Variants in IQGAP2 observed in about 807,000 individuals in gnomAD.
IQGAP2 encodes the protein IQ motif containing GTPase activating protein 2.
IQGAP2 carries 173 observed loss-of-function variants against 201.3 expected under a neutral mutation model. The observed-to-expected ratio is 0.86, with a 90% confidence interval of 0.76 to 0.98. The LOEUF is 0.98. Among genes scored for constraint, IQGAP2 ranks in the 50% least tolerant of loss-of-function variants. The pLI, the probability that IQGAP2 is intolerant of heterozygous loss-of-function variation, is 0.00. For synonymous variants in IQGAP2, 675 were observed against 673.9 expected (o/e 1.00, Z -0.03); for missense variants, 1,687 against 1,864.8 (o/e 0.90, Z 1.76).
intron 5 of IQGAP2, among the ~76,000 whole-genome samples, 194 bp from the exon 6 acceptor site, chr5:76,588,712 A>G (rs1746416034): frequency 6.6e-6 from 1 of 152,202 alleles, no homozygotes; most frequent in African/African-American, 2.4e-5. Flanking sequence ...TCTTTGGGAC[A>G]CAGATTGGAA....
chr5:76,594,976 T>TAA (rs769560018), intron 9 of IQGAP2, among the ~76,000 whole-genome samples: 2 of 149,212 alleles, frequency 1.3e-5, no homozygotes, highest in Non-Finnish European at 3.0e-5. Context: ...AAAAAAAATT[T>TAA]AAAAAAAAAA....
At chr5:76,439,303 A>C (rs552973489) in intron 1 of IQGAP2, among the ~76,000 whole-genome samples, 1 of 152,342 alleles carries the variant, frequency 6.6e-6, no homozygotes, top group East Asian at 1.9e-4. Flanking sequence ...TGTTGAGAAG[A>C]ATGTATATTC....
chr5:76,614,978 G>A (rs1748799785), intron 13 of IQGAP2, among the ~76,000 whole-genome samples: 1 of 152,206 alleles, frequency 6.6e-6, no homozygotes, highest in African/African-American at 2.4e-5. Context: ...GGACAGTAAT[G>A]GAAGTTGGTG....
intron 9 of IQGAP2, among the ~76,000 whole-genome samples, chr5:76,595,180 G>A (rs1406291024): frequency 1.4e-5 from 2 of 147,092 alleles, no homozygotes; most frequent in Non-Finnish European, 3.0e-5. Context: ...TTCAGCAAAT[G>A]CATTCCATTC....
chr5:76,610,098 ATATATATATATATATATTTTTTTTTTT>A (rs1389515114), intron 12 of IQGAP2, among the ~76,000 whole-genome samples: 1 of 13,886 alleles, frequency 7.2e-5, no homozygotes, highest in African/African-American at 2.2e-4. Context: ...ATATATATAT[ATATATATATATATATATTTTTTTTTTT>A]TTTTTTTTTT....
intron 17 of IQGAP2, among the ~76,000 whole-genome samples, chr5:76,648,963 G>A (rs1432118821): frequency 3.3e-5 from 5 of 152,170 alleles, no homozygotes; most frequent in African/African-American, 1.2e-4. Flanking sequence ...CCAGAGGAGA[G>A]GAGAAAGAGG....
chr5:76,499,839 C>T (rs1362799562), intron 2 of IQGAP2, among the ~76,000 whole-genome samples: 1 of 152,164 alleles, frequency 6.6e-6, no homozygotes, highest in Non-Finnish European at 1.5e-5. Context: ...GGCCTGGTGG[C>T]TCATGCCTGT....
At chr5:76,488,045 A>T (rs773527506) in intron 2 of IQGAP2, among the ~76,000 whole-genome samples, 81 of 152,328 alleles carry the variant, frequency 5.3e-4, no homozygotes, top group Non-Finnish European at 1.0e-3. Flanking sequence ...GTGACCTTGA[A>T]TGATCACTGA....
intron 20 of IQGAP2, among the ~76,000 whole-genome samples, chr5:76,655,297 G>A (rs565214632): frequency 1.8e-4 from 27 of 151,948 alleles, no homozygotes; most frequent in African/African-American, 6.5e-4. Flanking sequence ...CTAAGCGAGA[G>A]TCAAAAATCT....
At chr5:76,445,284 C>T (rs1753307014) in intron 1 of IQGAP2, among the ~76,000 whole-genome samples, 1 of 152,014 alleles carries the variant, frequency 6.6e-6, no homozygotes, top group South Asian at 2.1e-4. Context: ...TGGCCACTTG[C>T]CAGCTGAGTG....
chr5:76,410,382 C>T (rs1023376402), intron 1 of IQGAP2, among the ~76,000 whole-genome samples: 2 of 152,230 alleles, frequency 1.3e-5, no homozygotes, highest in East Asian at 1.9e-4. Context: ...TACTGATGTA[C>T]CTTCTTGTTC....
chr5:76,602,469 A>C (rs1190368671), intron 11 of IQGAP2, among the ~76,000 whole-genome samples: 1 of 152,212 alleles, frequency 6.6e-6, no homozygotes, highest in Non-Finnish European at 1.5e-5. Context: ...CCCTTAAAGA[A>C]GTGGTCCCAT....
At chr5:76,441,633 A>G (rs1022016104) in intron 1 of IQGAP2, 1 of 422,806 alleles carries the variant, frequency 2.4e-6, no homozygotes, top group African/African-American at 2.2e-5. Context: ...CCATTCGAGC[A>G]CTACCTTTGA....
chr5:76,696,075 G>T (rs752994956), intron 32 of IQGAP2, among the ~76,000 whole-genome samples: 1 of 151,910 alleles, frequency 6.6e-6, no homozygotes, highest in African/African-American at 2.4e-5. Flanking sequence ...TCCTGACCCG[G>T]TGATCCACCG....
At chr5:76,608,501 G>A (rs13436774) in intron 12 of IQGAP2, among the ~76,000 whole-genome samples, 2 of 152,162 alleles carry the variant, frequency 1.3e-5, no homozygotes, top group Non-Finnish European at 2.9e-5. Context: ...GAATTGCTCA[G>A]TATAGTAATT....
chr5:76,448,947 T>G (rs980191265), intron 1 of IQGAP2, among the ~76,000 whole-genome samples: 3 of 152,178 alleles, frequency 2.0e-5, no homozygotes. Context: ...AGAATGAACA[T>G]CTGCCCAGCT....
chr5:76,601,070 C>A, intron 11 of IQGAP2, 98 bp downstream of exon 11: 2 of 1,155,098 alleles, frequency 1.7e-6, no homozygotes, highest in Admixed American at 2.1e-5. Flanking sequence ...AATCCATATA[C>A]CATGCTCATG....
intron 1 of IQGAP2, among the ~76,000 whole-genome samples, chr5:76,409,569 A>G (rs536634572): frequency 1.4e-4 from 22 of 152,286 alleles, no homozygotes; most frequent in African/African-American, 3.8e-4. Flanking sequence ...TTCATAGAAT[A>G]CATCCAAGCT....
chr5:76,454,973 A>G (rs1206401042), intron 1 of IQGAP2, among the ~76,000 whole-genome samples: 5 of 152,170 alleles, frequency 3.3e-5, no homozygotes, highest in African/African-American at 9.7e-5. Context: ...TGACTTTTTA[A>G]TGATTGCCAT....
Sources: gnomAD v4.1 joint callset for allele counts (sites outside exome capture counted in the v4.1 genomes callset) on GRCh38, gnomAD v4.1.1 for gene constraint, MANE v1.5 for transcripts, NCBI Gene and HGNC (gene_info 2026-07-23, HGNC 2026-07-21) for gene names.